Variants in USH2A observed in about 807,000 individuals in gnomAD.
The protein encoded by USH2A is usherin, also known as Usher syndrome 2A (autosomal recessive, mild).
In USH2A, 443 loss-of-function variants were observed where a neutral mutation model predicts 538.9. The ratio of observed to expected loss-of-function variants is 0.82; its 90% CI spans 0.76 to 0.89. The LOEUF (loss-of-function observed/expected upper bound fraction) is 0.89, where lower values mean the gene tolerates loss of function less well. Among genes scored for constraint, USH2A ranks in the 40% least tolerant of loss-of-function variants. USH2A has a pLI of 0.00. For missense variants in USH2A, 6,633 were observed against 6,324.8 expected, an observed-to-expected ratio of 1.05 and a Z score of -1.65; for synonymous variants, 2,413 against 2,273.5, an observed-to-expected ratio of 1.06 and a Z score of -1.75.
intron 44 of USH2A, among the ~76,000 whole-genome samples, chr1:215,857,001 G>C (rs1405556182): frequency 6.6e-6 from 1 of 152,070 alleles, no homozygotes; most frequent in East Asian, 1.9e-4. Flanking sequence ...TCACTCATAA[G>C]TGAGAGCTAA....
chr1:215,766,888 A>G (rs1661148719), intron 55 of USH2A, 100 bp from the exon 56 acceptor site: 1 of 1,133,394 alleles, frequency 8.8e-7, no homozygotes, highest in East Asian at 2.4e-5. Context: ...ATGATAGCCA[A>G]AACATTTAAG....
At chr1:215,680,417 T>C (rs753581290) in intron 61 of USH2A, 41 bp from the exon 62 acceptor site, 1 of 1,575,626 alleles carries the variant, frequency 6.3e-7, no homozygotes, top group East Asian at 2.2e-5. Flanking sequence ...TTTTTTTTTT[T>C]TGAAACTGAC....
chr1:215,961,512 T>G (rs999911987), intron 37 of USH2A, among the ~76,000 whole-genome samples: 1 of 151,232 alleles, frequency 6.6e-6, no homozygotes, highest in Admixed American at 6.6e-5. Context: ...TCAGGACTTC[T>G]GGGGTAAAAT....
chr1:215,932,247 T>C (rs1030746944), intron 38 of USH2A, among the ~76,000 whole-genome samples: 1 of 151,964 alleles, frequency 6.6e-6, no homozygotes, highest in African/African-American at 2.4e-5. Context: ...ATATAGAACC[T>C]TCTCTGCCCA....
chr1:216,345,366 A>G (rs943985809), intron 4 of USH2A, among the ~76,000 whole-genome samples: 3 of 152,066 alleles, frequency 2.0e-5, no homozygotes, highest in African/African-American at 7.2e-5. Flanking sequence ...TGCTCTGGCC[A>G]GGACAGAAAA....
At chr1:215,696,199 A>T (rs1658802527) in intron 61 of USH2A, among the ~76,000 whole-genome samples, 1 of 152,234 alleles carries the variant, frequency 6.6e-6, no homozygotes, top group African/African-American at 2.4e-5. Context: ...AGCTAGAGAA[A>T]AAGTTATTAA....
At chr1:215,939,456 C>T (rs757209600) in intron 37 of USH2A, among the ~76,000 whole-genome samples, 5 of 152,000 alleles carry the variant, frequency 3.3e-5, no homozygotes, top group Non-Finnish European at 7.4e-5. Context: ...TATAAAAAAA[C>T]CTTTTCTTTA....
At chr1:216,161,331 T>A (rs1315040957) in intron 21 of USH2A, among the ~76,000 whole-genome samples, 2 of 152,076 alleles carry the variant, frequency 1.3e-5, no homozygotes, top group Non-Finnish European at 2.9e-5. Flanking sequence ...AGTGTTTCCT[T>A]ACATTAATTT....
intron 3 of USH2A, among the ~76,000 whole-genome samples, chr1:216,373,867 C>T (rs9441630): frequency 0.58 from 87,549 of 151,758 alleles, 26,620 homozygotes; most frequent in East Asian, 0.8. Flanking sequence ...TGTCCAACAC[C>T]GATAGACTGG....
chr1:216,351,705 T>C (rs2038290706), intron 4 of USH2A, among the ~76,000 whole-genome samples: 1 of 149,282 alleles, frequency 6.7e-6, no homozygotes, highest in Admixed American at 6.7e-5. Flanking sequence ...TGCCTGGAAG[T>C]AGTTAAAAGA....
chr1:215,852,893 TC>T (rs1441391625), intron 44 of USH2A, among the ~76,000 whole-genome samples: 1 of 152,182 alleles, frequency 6.6e-6, no homozygotes, highest in Non-Finnish European at 1.5e-5. Context: ...GGGTACAGCT[TC>T]CCTCCTGGCT....
chr1:215,832,559 A>G (rs1376892458), intron 47 of USH2A, among the ~76,000 whole-genome samples: 1 of 151,998 alleles, frequency 6.6e-6, no homozygotes, highest in Non-Finnish European at 1.5e-5. Flanking sequence ...ATGTCCATTT[A>G]TAATGAAAAT....
intron 20 of USH2A, among the ~76,000 whole-genome samples, chr1:216,185,050 C>T (rs2034571770): frequency 6.6e-6 from 1 of 151,830 alleles, no homozygotes; most frequent in South Asian, 2.1e-4. Flanking sequence ...TGGAAATGCA[C>T]AAATTTCTCG....
chr1:216,115,044 A>G (rs998366581), intron 21 of USH2A, among the ~76,000 whole-genome samples: 2 of 152,110 alleles, frequency 1.3e-5, no homozygotes, highest in African/African-American at 4.8e-5. Flanking sequence ...ATAGGCATCT[A>G]TGTATCTTTC....
intron 9 of USH2A, among the ~76,000 whole-genome samples, chr1:216,297,682 T>C (rs1182739972): frequency 6.6e-6 from 1 of 152,170 alleles, no homozygotes; most frequent in Admixed American, 6.5e-5. Context: ...GATTTATAAA[T>C]GCACTGGTCT....
chr1:215,695,014 A>T (rs12727914), intron 61 of USH2A, among the ~76,000 whole-genome samples: 44,541 of 152,168 alleles, frequency 0.29, 7,936 homozygotes, highest in Non-Finnish European at 0.4. Flanking sequence ...TAAGATAAGG[A>T]AATAAAAAGA....
intron 58 of USH2A, among the ~76,000 whole-genome samples, chr1:215,752,444 G>C (rs1435952989): frequency 6.6e-6 from 1 of 152,068 alleles, no homozygotes; most frequent in Non-Finnish European, 1.5e-5. Context: ...TGGGAGACAG[G>C]GGAATATTTA....
chr1:216,220,357 TTA>T (rs1471930381), intron 14 of USH2A, among the ~76,000 whole-genome samples: 3 of 150,346 alleles, frequency 2.0e-5, no homozygotes, highest in African/African-American at 7.4e-5. Flanking sequence ...GAGATGAATC[TTA>T]TAGAATTGCC....
At chr1:216,171,471 G>A (rs2034274826) in intron 21 of USH2A, among the ~76,000 whole-genome samples, 1 of 151,940 alleles carries the variant, frequency 6.6e-6, no homozygotes, top group Non-Finnish European at 1.5e-5. Flanking sequence ...TATAACATTT[G>A]AGCAAACATA....
Sources: gnomAD v4.1 joint callset for allele counts (sites outside exome capture counted in the v4.1 genomes callset) on GRCh38, gnomAD v4.1.1 for gene constraint, MANE v1.5 for transcripts, NCBI Gene and HGNC (gene_info 2026-07-23, HGNC 2026-07-21) for gene names.